SIL1: variants seen among roughly 807,000 people sequenced by gnomAD.
SIL1 encodes SIL1 nucleotide exchange factor.
SIL1 carries 40 observed loss-of-function variants against 49.1 expected under a neutral mutation model. The ratio of observed to expected loss-of-function variants is 0.81; its 90% CI spans 0.63 to 1.06. SIL1 has a LOEUF of 1.06. Among genes scored for constraint, SIL1 ranks in the 50% least tolerant of loss-of-function variants. SIL1 has a pLI of 0.00. For synonymous variants in SIL1, 253 were observed against 250.8 expected, an observed-to-expected ratio of 1.01 and a Z score of -0.08; for missense variants, 500 against 572.6, an observed-to-expected ratio of 0.87 and a Z score of 1.29.
At chr5:139,044,641 G>A (rs566360193) in intron 4 of SIL1, among the ~76,000 whole-genome samples, 10 of 152,214 alleles carry the variant, frequency 6.6e-5, no homozygotes, top group African/African-American at 2.4e-4. Flanking sequence ...TATTATAATG[G>A]ATGAGTGTCC....
chr5:138,997,941 G>A (rs1023226201), intron 7 of SIL1, among the ~76,000 whole-genome samples: 1 of 152,090 alleles, frequency 6.6e-6, no homozygotes, highest in Non-Finnish European at 1.5e-5. Context: ...GGCTATCTGG[G>A]GTCTTTTGTA....
intron 7 of SIL1, among the ~76,000 whole-genome samples, chr5:138,960,848 G>C (rs1767006154): frequency 2.0e-5 from 3 of 152,182 alleles, no homozygotes; most frequent in African/African-American, 7.2e-5. Flanking sequence ...GACTTCCTCT[G>C]TGTCTATTAT....
intron 7 of SIL1, among the ~76,000 whole-genome samples, chr5:138,972,503 T>G (rs1767301150): frequency 6.6e-6 from 1 of 152,126 alleles, no homozygotes; most frequent in South Asian, 2.1e-4. Flanking sequence ...CTGCTGCTGC[T>G]CCACACATGC....
At chr5:139,158,212 T>C (rs1449774826) in intron 1 of SIL1, among the ~76,000 whole-genome samples, 5 of 152,134 alleles carry the variant, frequency 3.3e-5, no homozygotes, top group East Asian at 1.9e-4. Context: ...AAGCCCAAGA[T>C]CTTAACTACA....
intron 3 of SIL1, among the ~76,000 whole-genome samples, chr5:139,111,394 G>A (rs2151787892): frequency 6.6e-6 from 1 of 152,120 alleles, no homozygotes; most frequent in Middle Eastern, 3.4e-3. Flanking sequence ...CTCCTCTATG[G>A]GATTATAAAT....
chr5:138,963,157 G>A (rs983871740), intron 7 of SIL1, among the ~76,000 whole-genome samples: 20 of 152,108 alleles, frequency 1.3e-4, no homozygotes, highest in African/African-American at 3.9e-4. Flanking sequence ...GGGGGAGAGC[G>A]GAGGAGGCCA....
At chr5:139,122,462 GTGTATGTC>G (rs1750660980) in intron 2 of SIL1, among the ~76,000 whole-genome samples, 1 of 152,030 alleles carries the variant, frequency 6.6e-6, no homozygotes, top group Non-Finnish European at 1.5e-5. Flanking sequence ...AGGTGTGGTG[GTGTATGTC>G]TGTAGTCCCA....
At chr5:139,030,972 G>T (rs556464476) in intron 5 of SIL1, among the ~76,000 whole-genome samples, 4 of 152,198 alleles carry the variant, frequency 2.6e-5, no homozygotes, top group Non-Finnish European at 5.9e-5. Context: ...TGTTAAGATT[G>T]TTTTGCATAG....
intron 1 of SIL1, among the ~76,000 whole-genome samples, chr5:139,186,161 A>G (rs1441594472): frequency 4.6e-5 from 7 of 152,198 alleles, no homozygotes; most frequent in Non-Finnish European, 1.0e-4. Context: ...AAAGTTCTTG[A>G]GTCACCACCT....
At chr5:138,996,664 T>G (rs1428798005) in intron 7 of SIL1, among the ~76,000 whole-genome samples, 1 of 151,558 alleles carries the variant, frequency 6.6e-6, no homozygotes, top group Non-Finnish European at 1.5e-5. Flanking sequence ...GGACTACAGG[T>G]GCGAGCCACC....
intron 6 of SIL1, among the ~76,000 whole-genome samples, chr5:139,021,595 T>G (rs1362918680): frequency 6.6e-6 from 1 of 152,216 alleles, no homozygotes; most frequent in Non-Finnish European, 1.5e-5. Flanking sequence ...GTCACAAAGC[T>G]TGCTCCTAAT....
intron 7 of SIL1, among the ~76,000 whole-genome samples, chr5:139,019,585 C>G (rs142652636): frequency 6.6e-6 from 1 of 152,326 alleles, no homozygotes; most frequent in East Asian, 1.9e-4. Flanking sequence ...CTAATACAAT[C>G]ACAGAAAAGT....
intron 3 of SIL1, among the ~76,000 whole-genome samples, chr5:139,082,188 C>A (rs1770096360): frequency 1.3e-5 from 2 of 152,172 alleles, no homozygotes; most frequent in Admixed American, 1.3e-4. Context: ...GTTTACCAAA[C>A]AGAAATTACC....
At chr5:138,971,840 T>C (rs1767286187) in intron 7 of SIL1, among the ~76,000 whole-genome samples, 1 of 152,208 alleles carries the variant, frequency 6.6e-6, no homozygotes, top group South Asian at 2.1e-4. Flanking sequence ...ACAACCTGGC[T>C]TGAAGGAAGA....
chr5:139,066,606 T>G (rs1046104048), intron 3 of SIL1, among the ~76,000 whole-genome samples: 1 of 152,260 alleles, frequency 6.6e-6, no homozygotes, highest in Non-Finnish European at 1.5e-5. Context: ...ATTTGGCTTC[T>G]TGTTAATCAT....
chr5:138,985,221 T>C (rs1392859040), intron 7 of SIL1, among the ~76,000 whole-genome samples: 2 of 152,206 alleles, frequency 1.3e-5, no homozygotes, highest in African/African-American at 4.8e-5. Context: ...TCAGGGGAGT[T>C]GTTTTTGTGT....
chr5:138,969,575 C>T (rs933786274), intron 7 of SIL1, among the ~76,000 whole-genome samples: 1 of 152,188 alleles, frequency 6.6e-6, no homozygotes, highest in Non-Finnish European at 1.5e-5. Context: ...CAGCTCTGCC[C>T]GAGGTCCCTG....
rs1337548400 is a variant in SIL1 at position 139,010,856 on chromosome 5, C to T, written c.767+10315G>A. On this transcript the variant is annotated intron_variant, in intron 7 of 9. Transcript: ENST00000394817. ...CAGCTGCGTGCTGGGAGAACCACTG[C>T]TCCCTTCAAAGCTGTCAGACAGGGA... Among the ~76,000 whole-genome samples the T allele has an allele frequency of 2.6e-5, 4 of 151,772 alleles. No individual in the cohort carries two copies. In the East Asian group the frequency reaches 7.9e-4, roughly 30 times the overall value.
At chr5:139,128,187 C>G in intron 1 of SIL1, 1 of 371,354 alleles carries the variant, frequency 2.7e-6, no homozygotes, top group Non-Finnish European at 5.3e-6. Context: ...AACTAACCAA[C>G]TGATCTGCAT....
Sources: gnomAD v4.1 joint callset for allele counts (sites outside exome capture counted in the v4.1 genomes callset) on GRCh38, gnomAD v4.1.1 for gene constraint, MANE v1.5 for transcripts, NCBI Gene and HGNC (gene_info 2026-07-23, HGNC 2026-07-21) for gene names.